KIR2DL1: variants seen among roughly 807,000 people sequenced by gnomAD.
KIR2DL1 encodes the protein killer cell immunoglobulin like receptor, two Ig domains and long cytoplasmic tail 1.
In KIR2DL1, 38 loss-of-function variants were observed where a neutral mutation model predicts 33.9. The ratio of observed to expected loss-of-function variants is 1.12; its 90% CI spans 0.86 to 1.47. KIR2DL1 has a LOEUF of 1.47. Ranked by LOEUF, KIR2DL1 falls within the 40% of genes most tolerant of loss-of-function variation. The probability of loss-of-function intolerance (pLI) is 0.00; values close to 1 mark genes in which losing one functional copy is unlikely to be tolerated. For synonymous variants in KIR2DL1, 179 were observed against 165.9 expected, an observed-to-expected ratio of 1.08 and a Z score of -0.61; for missense variants, 531 against 433.9, an observed-to-expected ratio of 1.22 and a Z score of -1.99.
chr19:54,774,638 T>C (rs1243135234), intron 3 of KIR2DL1, among the ~76,000 whole-genome samples: 2 of 147,516 alleles, frequency 1.4e-5, no homozygotes. Context: ...GATAGATAGA[T>C]AATACATAGA....
intron 5 of KIR2DL1, among the ~76,000 whole-genome samples, chr19:54,779,696 C>G (rs612718): frequency 0.014 from 1,744 of 127,176 alleles, 2 homozygotes; most frequent in South Asian, 0.018. Flanking sequence ...TATTCACAAG[C>G]TATGGAGGCT....
At position 54,783,534 on chromosome 19, in the gene KIR2DL1, G is replaced by T. The variant is rs148066684; in HGVS notation, c.866G>T (p.Ser289Ile). The T allele has an allele frequency of 9.1e-4, 1,471 of 1,613,684 alleles. 13 individuals are homozygous for T. The African/African-American group carries it at 0.016, about 18-fold the overall frequency. The change falls in exon 7 of 8, where the codon AGC becomes ATC. Residue 289 changes from serine (S) to isoleucine (I), a missense_variant. Transcript: ENST00000336077. ...QESAGNRTAN[S>I]EDSDEQDPQE... ...TCTGCAGGAAACAGAACAGCGAATA[G>T]CGAGGTAGGTACTCCTCGGCCCGGG...
intron 5 of KIR2DL1, 39 bp downstream of exon 5, chr19:54,778,701 T>C (rs1372162741): frequency 6.8e-7 from 1 of 1,465,240 alleles, no homozygotes; most frequent in Non-Finnish European, 9.4e-7. Flanking sequence ...TTTGGAACCC[T>C]GGGGAGGTGG....
chr19:54,776,126 G>C (rs680154), intron 4 of KIR2DL1, among the ~76,000 whole-genome samples: 3 of 143,334 alleles, frequency 2.1e-5, no homozygotes, highest in Admixed American at 7.1e-5. Flanking sequence ...TCCTGACCAC[G>C]TGATCCACCC....
chr19:54,783,672 C>T lies in KIR2DL1; in HGVS notation c.906C>T (p.Tyr302=), dbSNP rs571478738. 96 of 1,613,566 alleles carry T rather than the reference C, an allele frequency of 5.9e-5. No homozygotes were observed. In the Admixed American group the frequency reaches 8.0e-4, roughly 13 times the overall value. The change falls in exon 8 of 8, where the codon TAC becomes TAT. Residue 302 remains tyrosine (Y), a synonymous_variant. Transcript: ENST00000336077. ...SDEQDPQEVT[Y]TQLNHCVFTQ... ...AACAAGACCCTCAGGAGGTGACATA[C>T]ACACAGTTGAATCACTGCGTTTTCA...
At chr19:54,772,645 G>T (rs1267367721) in intron 2 of KIR2DL1, among the ~76,000 whole-genome samples, 1 of 145,300 alleles carries the variant, frequency 6.9e-6, no homozygotes, top group African/African-American at 2.5e-5. Context: ...GACAGAGGTT[G>T]CAGTGAGCCT....
At chr19:54,778,221 T>C (rs1185215585) in intron 4 of KIR2DL1, among the ~76,000 whole-genome samples, 1 of 149,222 alleles carries the variant, frequency 6.7e-6, no homozygotes, top group Non-Finnish European at 1.5e-5. Flanking sequence ...ATTGCACCTC[T>C]GCACTCCAGC....
rs1198278861 is a variant in KIR2DL1, at chr19:54,774,690, T to C, written c.371-475T>C. On this transcript the variant is annotated intron_variant, in intron 3 of 7. Coordinates refer to ENST00000336077, the MANE Select transcript of KIR2DL1 (RefSeq NM_014218.3). ...TAGAGAAATCATAGAGAGAGAGAGA[T>C]GATACATAGATATAGATAATAGATG... Among the ~76,000 whole-genome samples the C allele has an allele frequency of 1.4e-5, 2 of 146,410 alleles. 1 individual carries two copies. Among genetic ancestry groups the C allele is most frequent in the Non-Finnish European group, 3.1e-5 (2 of 65,424 alleles).
intron 5 of KIR2DL1, among the ~76,000 whole-genome samples, chr19:54,782,369 G>T: frequency 6.6e-6 from 1 of 152,050 alleles, no homozygotes; most frequent in Admixed American, 6.5e-5. Context: ...TCACCGTTCT[G>T]CAGGCTGTAC....
chr19:54,776,634 CTT>C (rs113294942), intron 4 of KIR2DL1, among the ~76,000 whole-genome samples: 13,014 of 123,536 alleles, frequency 0.11, 8 homozygotes, highest in South Asian at 0.16. Context: ...TGAAAGTTCT[CTT>C]TTTTTTTTTT....
chr19:54,774,341 A>G lies in KIR2DL1; in HGVS notation c.370+709A>G, dbSNP rs1217259487. On this transcript the variant is annotated intron_variant, in intron 3 of 7. Coordinates refer to ENST00000336077, the MANE Select transcript of KIR2DL1 (RefSeq NM_014218.3). ...TCACAGACACATAAAGAGAGAGAAA[A>G]GAGGGCAGAGGAGTGGTGAGAATGA... Among the ~76,000 whole-genome samples the G allele has an allele frequency of 1.6e-3, 172 of 105,406 alleles. 1 individual carries two copies. The highest frequency in any genetic ancestry group is 6.0e-3 in the Middle Eastern group (1 of 166). The allele number at this position is 105,406 out of a possible 152,430, so 69.2% of individuals were successfully genotyped here. A position where few individuals can be genotyped will look rare whatever the true frequency, so the allele number is the denominator to read the frequency against.
At chr19:54,778,986 G>C (rs1204962446) in intron 5 of KIR2DL1, among the ~76,000 whole-genome samples, 1 of 146,666 alleles carries the variant, frequency 6.8e-6, no homozygotes, top group African/African-American at 2.5e-5. Flanking sequence ...CTTGAGAGAG[G>C]GAAGGGAAGG....
chr19:54,772,610 G>A (rs1340953152), intron 2 of KIR2DL1, among the ~76,000 whole-genome samples: 7 of 146,128 alleles, frequency 4.8e-5, no homozygotes, highest in East Asian at 2.0e-4. Flanking sequence ...GAGGCTGAGG[G>A]CAGGAGAATC....
chr19:54,775,926 C>G (rs62121643), intron 4 of KIR2DL1, among the ~76,000 whole-genome samples: 25,106 of 122,830 alleles, frequency 0.2, 1,104 homozygotes, highest in South Asian at 0.31. Context: ...GAGTCTAGCT[C>G]TGTCCCCTAT....
At position 54,782,930 on chromosome 19, in the gene KIR2DL1, C is replaced by T. The variant is rs149300913; in HGVS notation, c.724C>T (p.Arg242Ter). The change falls in exon 6 of 8, where the codon CGA becomes TGA. Residue 242 changes from arginine to a stop codon, truncating the protein, a stop_gained. Transcript: ENST00000336077. LOFTEE classifies it high-confidence loss of function. ...TEPSSKTGNP[R>*]HLHILIGTSV... is the part of the protein sequence containing the mutation. ...GTCTCATCTTCTTCCAGGTAACCCC[C>T]GACACCTGCACATTCTGATTGGGAC... 9 of 1,611,314 alleles carry T rather than the reference C, an allele frequency of 5.6e-6. No individual in the cohort carries two copies. The East Asian group carries it at 6.7e-5, about 12-fold the overall frequency.
At chr19:54,779,362 C>A (rs1343373292) in intron 5 of KIR2DL1, among the ~76,000 whole-genome samples, 2 of 149,114 alleles carry the variant, frequency 1.3e-5, no homozygotes, top group South Asian at 4.2e-4. Flanking sequence ...AGGCACGAAT[C>A]TGCTTCTCAC....
intron 5 of KIR2DL1, among the ~76,000 whole-genome samples, chr19:54,782,617 A>G (rs2077124807): frequency 6.6e-6 from 1 of 152,190 alleles, no homozygotes; most frequent in Admixed American, 6.5e-5. Flanking sequence ...TGTGTTCATG[A>G]TGGATCCACC....
Position 54,783,043 on chromosome 19 carries a change from G to C in KIR2DL1, c.817+20G>C, listed in dbSNP as rs1468893638. 100 of 1,608,748 alleles carry C rather than the reference G, an allele frequency of 6.2e-5. No individual in the cohort carries two copies. Among genetic ancestry groups the C allele is most frequent in the Non-Finnish European group, 7.3e-5 (86 of 1,175,908 alleles). ...AAAAAAGTAAGTCTCACGAAGCAGA[G>C]GCCAGAGAGCTCAGGGCCATGTGGG... is the stretch of plus-strand genomic sequence containing the variant. On this transcript the variant is annotated intron_variant, in intron 6 of 7. Transcript: ENST00000336077.
chr19:54,779,362 C>G (rs1343373292), intron 5 of KIR2DL1, among the ~76,000 whole-genome samples: 2 of 148,996 alleles, frequency 1.3e-5, no homozygotes, highest in Non-Finnish European at 3.0e-5. Context: ...AGGCACGAAT[C>G]TGCTTCTCAC....
Sources: gnomAD v4.1 joint callset for allele counts (sites outside exome capture counted in the v4.1 genomes callset) on GRCh38, gnomAD v4.1.1 for gene constraint, MANE v1.5 for transcripts, NCBI Gene and HGNC (gene_info 2026-07-23, HGNC 2026-07-21) for gene names.